Variants in RASEF observed in about 807,000 individuals in gnomAD.
The protein encoded by RASEF is RAS and EF-hand domain containing, also known as ras and EF-hand domain-containing protein.
A neutral mutation model predicts 90.1 loss-of-function variants in RASEF; 68 were observed. The observed-to-expected ratio is 0.75, with a 90% CI of 0.62 to 0.92. The LOEUF (loss-of-function observed/expected upper bound fraction) is 0.92. RASEF is among the 40% of genes least tolerant of loss of function. RASEF has a pLI of 0.00. For missense variants in RASEF, 949 were observed against 937.2 expected, an observed-to-expected ratio of 1.01 and a Z score of -0.16; for synonymous variants, 331 against 345.2, an observed-to-expected ratio of 0.96 and a Z score of 0.46.
chr9:83,186,356 C>T, the RASEF span, among the ~76,000 whole-genome samples: 36 of 152,270 alleles, frequency 2.4e-4, no homozygotes, highest in South Asian at 7.3e-3. Flanking sequence ...TTTCATGTTG[C>T]TTCCAGATTG....
At chr9:83,106,261 T>G in the RASEF span, among the ~76,000 whole-genome samples, 3 of 152,324 alleles carry the variant, frequency 2.0e-5, no homozygotes, top group South Asian at 4.1e-4. Flanking sequence ...CTTGCCCGTA[T>G]CTCTCTGTTT....
intron 4 of RASEF, among the ~76,000 whole-genome samples, chr9:83,014,854 T>C (rs181181423): frequency 6.6e-6 from 1 of 152,238 alleles, no homozygotes; most frequent in Non-Finnish European, 1.5e-5. Flanking sequence ...CAACAAATGA[T>C]ACACATCCCT....
intron 3 of RASEF, among the ~76,000 whole-genome samples, chr9:83,017,425 G>A (rs896610676): frequency 2.0e-5 from 3 of 152,052 alleles, no homozygotes; most frequent in Middle Eastern, 3.4e-3. Flanking sequence ...GCGTGAACCC[G>A]GGAGGTGGAG....
chr9:83,020,716 TG>T (rs1189267197), intron 3 of RASEF, among the ~76,000 whole-genome samples: 3 of 152,060 alleles, frequency 2.0e-5, no homozygotes, highest in Non-Finnish European at 2.9e-5. Context: ...TTCTAAAAGG[TG>T]GGGGCCATGG....
chr9:83,063,836 T>C (rs1275198541), upstream of RASEF, among the ~76,000 whole-genome samples: 5 of 152,238 alleles, frequency 3.3e-5, no homozygotes, highest in African/African-American at 4.8e-5. Context: ...ATTGTTTCTT[T>C]AACACTGCTT....
intron 4 of RASEF, among the ~76,000 whole-genome samples, chr9:83,015,062 G>A (rs1042133486): frequency 1.3e-5 from 2 of 152,122 alleles, no homozygotes; most frequent in East Asian, 1.9e-4. Context: ...AGTGACTCTT[G>A]GTGATCAGGG....
the RASEF span, among the ~76,000 whole-genome samples, chr9:83,068,366 C>T: frequency 6.6e-6 from 1 of 152,196 alleles, no homozygotes; most frequent in Non-Finnish European, 1.5e-5. Flanking sequence ...GGGATAATCA[C>T]TCCTGTGATT....
At chr9:83,074,088 G>T in the RASEF span, among the ~76,000 whole-genome samples, 1 of 152,118 alleles carries the variant, frequency 6.6e-6, no homozygotes, top group African/African-American at 2.4e-5. Flanking sequence ...GAAAATGTTA[G>T]CAGGTAAGGG....
the RASEF span, among the ~76,000 whole-genome samples, chr9:83,081,931 A>G: frequency 6.6e-6 from 1 of 152,238 alleles, no homozygotes; most frequent in African/African-American, 2.4e-5. Flanking sequence ...GAAGTAAAAT[A>G]TAAATGGAAA....
intron 14 of RASEF, 136 bp from the exon 15 acceptor site, chr9:82,993,161 A>C (rs971691607): frequency 2.5e-6 from 2 of 805,690 alleles, no homozygotes; most frequent in Non-Finnish European, 3.8e-6. Context: ...GATATCTTTA[A>C]ACCTCAAAGT....
intron 1 of RASEF, chr9:83,055,365 C>T (rs1007239644): frequency 1.1e-5 from 5 of 466,386 alleles, no homozygotes; most frequent in East Asian, 4.1e-5. Flanking sequence ...TGACCCCTTG[C>T]GCTTCCCAGG....
chr9:83,025,864 A>C lies in RASEF; in HGVS notation c.489T>G (p.Ile163Met), dbSNP rs759214656. 1.7e-5 allele frequency: 28 copies of C among 1,613,766 alleles called. No homozygotes were observed. The highest frequency in any genetic ancestry group is 2.3e-5 in the Non-Finnish European group (27 of 1,179,832). The change falls in exon 2 of 17, where the codon ATT (isoleucine) becomes ATG (methionine). Residue 163 changes from isoleucine to methionine, a missense_variant. This residue lies in a region of RASEF where 656 missense variants were observed against 592.2 expected (regional missense o/e 1.11). Coordinates refer to ENST00000376447, the MANE Select transcript of RASEF (RefSeq NM_152573.4). ...TCTTTATAACATGTTCATATGGCTG[A>C]ATTAATCTTGGCTCCACAAGGTTGA... ...QNINLVEPRL[I>M]QPYEHVIKNF...
the RASEF span, among the ~76,000 whole-genome samples, chr9:83,174,487 T>A: frequency 6.6e-6 from 1 of 152,178 alleles, no homozygotes; most frequent in Admixed American, 6.5e-5. Flanking sequence ...CTCTCTGTTC[T>A]ACTCCATTGA....
At chr9:83,085,477 T>C in the RASEF span, among the ~76,000 whole-genome samples, 3 of 151,138 alleles carry the variant, frequency 2.0e-5, no homozygotes, top group African/African-American at 4.9e-5. Context: ...CTACCAAAAA[T>C]ACAAAAATTA....
chr9:83,188,548 T>C, the RASEF span, among the ~76,000 whole-genome samples: 1 of 152,184 alleles, frequency 6.6e-6, no homozygotes, highest in Non-Finnish European at 1.5e-5. Flanking sequence ...GCATCTCTAT[T>C]GTGTGCTTGG....
chr9:83,000,559 T>G lies in RASEF; in HGVS notation c.1449A>C (p.Ile483=). The G allele has an allele frequency of 6.3e-7, 1 of 1,596,174 alleles. No homozygotes were observed. Among genetic ancestry groups the G allele is most frequent in the Non-Finnish European group, 8.5e-7 (1 of 1,174,944 alleles). ...GDASDTDVPD[I]RDEETFGLED... is the part of the protein sequence containing the mutation. ...CTAAACCAAATGTCTCTTCATCCCT[T>G]ATGTCAGGAACCTATTTTTTTTAAA... The change falls in exon 11 of 17, where the codon ATA becomes ATC. Residue 483 remains isoleucine, a synonymous_variant. Coordinates refer to ENST00000376447, the MANE Select transcript of RASEF (RefSeq NM_152573.4).
chr9:83,108,164 G>T, the RASEF span, among the ~76,000 whole-genome samples: 1 of 152,130 alleles, frequency 6.6e-6, no homozygotes, highest in Non-Finnish European at 1.5e-5. Flanking sequence ...GTGTTTACAT[G>T]GGTGTATGTA....
intron 15 of RASEF, among the ~76,000 whole-genome samples, chr9:82,991,122 C>T (rs1194707709): frequency 6.6e-6 from 1 of 152,116 alleles, no homozygotes; most frequent in Admixed American, 6.5e-5. Flanking sequence ...TCATCCCCCA[C>T]TCACTCACAG....
chr9:83,067,530 G>A (rs1830291937), upstream of RASEF, among the ~76,000 whole-genome samples: 1 of 152,184 alleles, frequency 6.6e-6, no homozygotes, highest in African/African-American at 2.4e-5. Context: ...AAGCATTAGA[G>A]ACCCAGCTGA....
Sources: gnomAD v4.1 joint callset for allele counts (sites outside exome capture counted in the v4.1 genomes callset) on GRCh38, gnomAD v4.1.1 for gene constraint, gnomAD v4.1.1 regional missense constraint, MANE v1.5 for transcripts, NCBI Gene and HGNC (gene_info 2026-07-23, HGNC 2026-07-21) for gene names.